The following MACF1 variants were observed in gnomAD, a reference collection of about 807,000 sequenced individuals.
MACF1 encodes microtubule-actin cross-linking factor 1.
A neutral mutation model predicts 854.8 loss-of-function variants in MACF1; 193 were observed. The ratio of observed to expected loss-of-function variants is 0.23; its 90% CI spans 0.20 to 0.25. The LOEUF (loss-of-function observed/expected upper bound fraction) is 0.25. Ranked by LOEUF, MACF1 falls within the 10% of genes least tolerant of loss-of-function variation. MACF1 has a pLI of 1.00. For synonymous variants in MACF1, 3,185 were observed against 3,226.7 expected (o/e 0.99, Z 0.44); for missense variants, 7,722 against 8,929.1 (o/e 0.86, Z 5.45).
chr1:39,137,908 T>G (rs1643224699), intron 2 of MACF1, among the ~76,000 whole-genome samples: 1 of 151,580 alleles, frequency 6.6e-6, no homozygotes, highest in African/African-American at 2.4e-5. Context: ...ACCCCATCTC[T>G]ACTAAAAATA....
At chr1:39,186,192 C>CTT (rs1644167066) in intron 2 of MACF1, among the ~76,000 whole-genome samples, 1 of 126,322 alleles carries the variant, frequency 7.9e-6, no homozygotes, top group Non-Finnish European at 1.7e-5. Flanking sequence ...CTCTCTCTCT[C>CTT]TCTCTCTCTC....
chr1:39,416,952 C>T (rs566918826), intron 58 of MACF1, among the ~76,000 whole-genome samples: 1 of 152,298 alleles, frequency 6.6e-6, no homozygotes, highest in South Asian at 2.1e-4. Flanking sequence ...CATGAGTATA[C>T]AGGTTTGCTA....
At chr1:39,466,031 C>T in intron 95 of MACF1, among the ~76,000 whole-genome samples, 1 of 152,180 alleles carries the variant, frequency 6.6e-6, no homozygotes, top group East Asian at 1.9e-4. Flanking sequence ...TCTACTGCTC[C>T]ATTGATCAGG....
intron 2 of MACF1, among the ~76,000 whole-genome samples, chr1:39,170,387 C>G (rs1643932260): frequency 6.6e-6 from 1 of 152,204 alleles, no homozygotes; most frequent in Non-Finnish European, 1.5e-5. Flanking sequence ...GCCAATCACT[C>G]TTTCATTCGA....
At chr1:39,303,159 G>T in intron 23 of MACF1, 81 bp downstream of exon 23, 1 of 1,499,520 alleles carries the variant, frequency 6.7e-7, no homozygotes, top group South Asian at 1.3e-5. Context: ...GTGTGCATTT[G>T]TGATGTTTTT....
chr1:39,235,566 G>C (rs1644851281), intron 2 of MACF1, among the ~76,000 whole-genome samples: 3 of 152,196 alleles, frequency 2.0e-5, no homozygotes, highest in Non-Finnish European at 4.4e-5. Context: ...TTAATCACTT[G>C]TAGCTCAGAA....
intron 49 of MACF1, among the ~76,000 whole-genome samples, chr1:39,367,058 C>A (rs540554391): frequency 1.4e-5 from 2 of 147,318 alleles, no homozygotes; most frequent in African/African-American, 5.0e-5. Context: ...AGTGATTCTT[C>A]TGCCTTAGCC....
chr1:39,140,960 T>C (rs757550976), intron 2 of MACF1, among the ~76,000 whole-genome samples: 1 of 139,550 alleles, frequency 7.2e-6, no homozygotes, highest in Admixed American at 7.4e-5. Context: ...GTCACTGTTA[T>C]AAATGCTTTA....
rs758772428 is a variant in MACF1, at chr1:39,332,944, C to T, written c.6356C>T (p.Ala2119Val). ...GGTACCCAAAGGGAAGACCAAACAG[C>T]AGTGTCTGTCAGAGAAAATGCCAGC... ...LIGTQREDQTAVSVRENASRG... is the reference protein window; with the variant it reads ...LIGTQREDQTVVSVRENASRG... Residue 2119 changes from alanine (A) to valine (V), a missense_variant, in exon 37 of 101, where the codon GCA (alanine) becomes GTA (valine). This residue lies in a region of MACF1 where 1,531 missense variants were observed against 1,601.6 expected (regional missense o/e 0.96). Transcript: ENST00000564288. 9 of 1,614,008 alleles carry T rather than the reference C, an allele frequency of 5.6e-6. No homozygotes were observed. In the Admixed American group the frequency reaches 1.3e-4, roughly 24 times the overall value.
intron 15 of MACF1, among the ~76,000 whole-genome samples, chr1:39,291,569 A>G (rs1006909351): frequency 2.6e-5 from 4 of 152,340 alleles, no homozygotes; most frequent in Admixed American, 2.0e-4. Flanking sequence ...ATGATTGTGA[A>G]ATGAAAAGAC....
intron 2 of MACF1, among the ~76,000 whole-genome samples, chr1:39,146,988 ATT>A (rs1643479828): frequency 6.6e-6 from 1 of 151,792 alleles, no homozygotes; most frequent in South Asian, 2.1e-4. Flanking sequence ...ACCCACAAAT[ATT>A]TGTCTTTGTT....
chr1:39,147,004 T>TTTC (rs779150712), intron 2 of MACF1, among the ~76,000 whole-genome samples: 1 of 151,972 alleles, frequency 6.6e-6, no homozygotes, highest in Non-Finnish European at 1.5e-5. Context: ...CTTTGTTTAT[T>TTTC]TTCTTCTTCT....
intron 2 of MACF1, among the ~76,000 whole-genome samples, chr1:39,234,589 G>C (rs1235649809): frequency 9.4e-6 from 1 of 106,470 alleles, no homozygotes; most frequent in African/African-American, 3.4e-5. Flanking sequence ...CTGGCCTGGC[G>C]GGGGGCTGAC....
At chr1:39,141,843 A>T (rs932886775) in intron 2 of MACF1, among the ~76,000 whole-genome samples, 5 of 152,230 alleles carry the variant, frequency 3.3e-5, no homozygotes, top group African/African-American at 1.2e-4. Flanking sequence ...GGAAAGGTAC[A>T]TGAAACTAGA....
intron 2 of MACF1, among the ~76,000 whole-genome samples, chr1:39,237,088 GT>G (rs1354966672): frequency 2.0e-5 from 3 of 152,232 alleles, no homozygotes; most frequent in Non-Finnish European, 4.4e-5. Context: ...TAAGCACTCT[GT>G]TTTTTGTAGC....
At chr1:39,111,290 G>C (rs1336295654) in intron 2 of MACF1, among the ~76,000 whole-genome samples, 1 of 152,004 alleles carries the variant, frequency 6.6e-6, no homozygotes, top group East Asian at 1.9e-4. Context: ...CAAACCCCCG[G>C]GCTCACATGA....
chr1:39,412,722 T>A (rs762351918), intron 58 of MACF1: 5 of 1,613,806 alleles, frequency 3.1e-6, no homozygotes, highest in African/African-American at 1.3e-5. Context: ...AGGCTGGTAA[T>A]ACTGAACCAG....
rs1019535852 is a variant in MACF1 at position 39,394,424 on chromosome 1, C to T, written c.15816+5766C>T. Among the ~76,000 whole-genome samples the T allele has an allele frequency of 4.6e-5, 7 of 152,166 alleles. 1 individual carries two copies. The highest frequency in any genetic ancestry group is 1.4e-4 in the African/African-American group (6 of 41,494). ...ATCACCTGAGGTCAGGAGTTCGAGACGAGCCTGGCCAAGATGGTGAAACCC... is the reference window on the plus strand; with the variant it reads ...ATCACCTGAGGTCAGGAGTTCGAGATGAGCCTGGCCAAGATGGTGAAACCC... On this transcript the variant is annotated intron_variant, in intron 58 of 100. Transcript: ENST00000564288.
At chr1:39,307,707 G>C (rs1646211883) in intron 23 of MACF1, among the ~76,000 whole-genome samples, 1 of 151,182 alleles carries the variant, frequency 6.6e-6, no homozygotes, top group Non-Finnish European at 1.5e-5. Flanking sequence ...CGAGTAGCTA[G>C]GACTACAGGC....
Sources: gnomAD v4.1 joint callset for allele counts (sites outside exome capture counted in the v4.1 genomes callset) on GRCh38, gnomAD v4.1.1 for gene constraint, gnomAD v4.1.1 regional missense constraint, MANE v1.5 for transcripts, NCBI Gene and HGNC (gene_info 2026-07-23, HGNC 2026-07-21) for gene names.